Variants in NTM observed in about 807,000 individuals in gnomAD.
NTM encodes IgLON family member 2.
Under a neutral mutation model 42.1 loss-of-function variants are expected in NTM, and 13 were observed. The ratio of observed to expected loss-of-function variants is 0.31; its 90% CI spans 0.20 to 0.49. The LOEUF (loss-of-function observed/expected upper bound fraction) is 0.49, where lower values mean the gene tolerates loss of function less well. Ranked by LOEUF, NTM falls within the 20% of genes least tolerant of loss-of-function variation. The pLI, the probability that NTM is intolerant of heterozygous loss-of-function variation, is 0.99. For synonymous variants in NTM, 187 were observed against 179.2 expected, an observed-to-expected ratio of 1.04 and a Z score of -0.35; for missense variants, 373 against 452.8, an observed-to-expected ratio of 0.82 and a Z score of 1.60.
intron 1 of NTM, among the ~76,000 whole-genome samples, chr11:131,774,385 T>A (rs1354401273): frequency 1.3e-5 from 2 of 152,196 alleles, no homozygotes; most frequent in East Asian, 1.9e-4. Flanking sequence ...ACAATTAACA[T>A]ACTTTCTTAG....
At chr11:131,829,846 T>C (rs2042593734) in intron 1 of NTM, among the ~76,000 whole-genome samples, 1 of 152,094 alleles carries the variant, frequency 6.6e-6, no homozygotes, top group Admixed American at 6.6e-5. Flanking sequence ...GCATCAGTTA[T>C]TTTTTGACTT....
chr11:131,464,758 C>T (rs1007414390), intron 1 of NTM, among the ~76,000 whole-genome samples: 5 of 152,192 alleles, frequency 3.3e-5, no homozygotes, highest in African/African-American at 4.8e-5. Flanking sequence ...GGCTGATTTC[C>T]ATCTGTCAGT....
rs116810883 is a variant in NTM, at chr11:132,256,166, C to T, written c.526+44019C>T. 6.8e-3 allele frequency among the ~76,000 whole-genome samples: 1,038 copies of T among 152,282 alleles called. 8 individuals carry two copies. The highest frequency in any genetic ancestry group is 0.024 in the African/African-American group (980 of 41,540). ...TCACTTCTCTCTTGCACATACCACA[C>T]ACAATGGTTCTAACACCATGGTTGT... On this transcript the variant is annotated intron_variant, in intron 4 of 8. Coordinates refer to ENST00000683400, the MANE Select transcript of NTM (RefSeq NM_001352005.2).
At chr11:131,442,245 TGTTTGCATCC>T (rs755969411) in intron 1 of NTM, among the ~76,000 whole-genome samples, 4 of 152,136 alleles carry the variant, frequency 2.6e-5, no homozygotes, top group Admixed American at 6.5e-5. Flanking sequence ...AGATAAAACT[TGTTTGCATCC>T]GTGGTTGAGA....
At chr11:131,467,171 G>A (rs1177364143) in intron 1 of NTM, among the ~76,000 whole-genome samples, 7 of 152,220 alleles carry the variant, frequency 4.6e-5, no homozygotes, top group Non-Finnish European at 4.4e-5. Flanking sequence ...GAAAAGAAGA[G>A]AATGTAAGAG....
intron 7 of NTM, among the ~76,000 whole-genome samples, chr11:132,326,855 C>T (rs769657437): frequency 2.1e-4 from 32 of 152,280 alleles, no homozygotes; most frequent in African/African-American, 5.1e-4. Context: ...TCAGGAAATA[C>T]GCTCCAAGTT....
chr11:131,744,482 G>T (rs1383908323), intron 1 of NTM, among the ~76,000 whole-genome samples: 1 of 152,026 alleles, frequency 6.6e-6, no homozygotes, highest in Non-Finnish European at 1.5e-5. Context: ...AAAGTATCCT[G>T]GGGGAAAGTA....
chr11:131,528,656 A>T (rs2050827632), intron 1 of NTM, among the ~76,000 whole-genome samples: 1 of 152,168 alleles, frequency 6.6e-6, no homozygotes, highest in Non-Finnish European at 1.5e-5. Flanking sequence ...ATCTCCTCGA[A>T]ATAATTGAGC....
At chr11:132,059,439 G>A (rs561875527) in intron 2 of NTM, among the ~76,000 whole-genome samples, 3 of 152,172 alleles carry the variant, frequency 2.0e-5, no homozygotes, top group Non-Finnish European at 4.4e-5. Flanking sequence ...TAGAGAGCAG[G>A]GCGAGGCCTT....
intron 1 of NTM, among the ~76,000 whole-genome samples, chr11:131,653,612 G>C (rs891012879): frequency 6.6e-6 from 1 of 152,236 alleles, no homozygotes; most frequent in African/African-American, 2.4e-5. Flanking sequence ...GAGATGTTTA[G>C]CAGGATGCAA....
intron 1 of NTM, among the ~76,000 whole-genome samples, chr11:131,701,024 T>C (rs1426708183): frequency 6.6e-6 from 1 of 152,214 alleles, no homozygotes; most frequent in Non-Finnish European, 1.5e-5. Flanking sequence ...TTAAACAAGT[T>C]AAAGCATGTA....
In NTM at chr11:131,895,377, C is replaced by G. The variant is rs1348795377; in HGVS notation, c.83-16187C>G. Among the ~76,000 whole-genome samples the G allele has an allele frequency of 2.0e-5, 3 of 152,100 alleles. 1 individual carries two copies. In the South Asian group the frequency reaches 6.2e-4, roughly 32 times the overall value. The stretch of plus-strand genomic sequence containing the variant: ...ACAACCTGTTAGGACTCATTTACAG[C>G]TTCGTTTTCTCATGCATGAAATAAA... On this transcript the variant is annotated intron_variant, in intron 1 of 8. Transcript: ENST00000683400.
intron 1 of NTM, among the ~76,000 whole-genome samples, chr11:131,618,618 G>A (rs2062195671): frequency 6.6e-6 from 1 of 152,168 alleles, no homozygotes; most frequent in African/African-American, 2.4e-5. Flanking sequence ...ATCAGGATGT[G>A]AGCCCACTTT....
chr11:131,628,456 G>C (rs139902201), intron 1 of NTM, among the ~76,000 whole-genome samples: 1 of 152,220 alleles, frequency 6.6e-6, no homozygotes, highest in African/African-American at 2.4e-5. Flanking sequence ...TTGCCCAAGC[G>C]CACAGACATT....
chr11:131,624,480 G>T (rs1198185496), intron 1 of NTM, among the ~76,000 whole-genome samples: 1 of 152,072 alleles, frequency 6.6e-6, no homozygotes, highest in Non-Finnish European at 1.5e-5. Flanking sequence ...TCATAAGCCA[G>T]GGACATCACA....
intron 2 of NTM, among the ~76,000 whole-genome samples, chr11:132,119,932 T>C (rs542507074): frequency 6.6e-6 from 1 of 152,338 alleles, no homozygotes; most frequent in South Asian, 2.1e-4. Flanking sequence ...TGCAGATTTA[T>C]AACACGCTAT....
chr11:132,278,710 C>T (rs11820240), intron 4 of NTM, among the ~76,000 whole-genome samples: 49,741 of 149,836 alleles, frequency 0.33, 8,477 homozygotes, highest in African/African-American at 0.38. Context: ...AGTTCTCCTC[C>T]TTTGGAATGT....
intron 2 of NTM, among the ~76,000 whole-genome samples, chr11:132,137,920 C>A (rs1201669697): frequency 6.6e-6 from 1 of 152,200 alleles, no homozygotes; most frequent in African/African-American, 2.4e-5. Context: ...TGCTAGCTTG[C>A]TGGCTTTGTC....
intron 4 of NTM, among the ~76,000 whole-genome samples, chr11:132,257,993 A>G (rs1042610273): frequency 3.9e-5 from 6 of 152,176 alleles, no homozygotes; most frequent in African/African-American, 1.2e-4. Context: ...CCCACCAGAC[A>G]CATTTGTACT....
Sources: gnomAD v4.1 joint callset for allele counts (sites outside exome capture counted in the v4.1 genomes callset) on GRCh38, gnomAD v4.1.1 for gene constraint, MANE v1.5 for transcripts, NCBI Gene and HGNC (gene_info 2026-07-23, HGNC 2026-07-21) for gene names.